The following RAMP1 variants were observed in gnomAD, a reference collection of about 807,000 sequenced individuals.
RAMP1 encodes receptor activity modifying protein 1.
A neutral mutation model predicts 8.2 loss-of-function variants in RAMP1; 7 were observed. The observed-to-expected ratio is 0.85, with a 90% CI of 0.49 to 1.60. RAMP1 has a LOEUF of 1.60. Among genes scored for constraint, RAMP1 ranks in the 40% most tolerant of loss-of-function variants. RAMP1 has a pLI of 0.00. For synonymous variants in RAMP1, 92 were observed against 84.7 expected, an observed-to-expected ratio of 1.09 and a Z score of -0.47; for missense variants, 192 against 202.4, an observed-to-expected ratio of 0.95 and a Z score of 0.31.
chr2:237,866,607 G>A (rs2062189523), intron 1 of RAMP1, among the ~76,000 whole-genome samples: 2 of 152,140 alleles, frequency 1.3e-5, no homozygotes, highest in African/African-American at 4.8e-5. Flanking sequence ...AGAAATTCGA[G>A]TGTAGCTCTT....
chr2:237,891,585 G>A (rs1242665217), intron 2 of RAMP1, among the ~76,000 whole-genome samples: 3 of 152,098 alleles, frequency 2.0e-5, no homozygotes, highest in Admixed American at 6.5e-5. Flanking sequence ...GCCGTAGGGA[G>A]GAAATGTAGC....
chr2:237,860,688 T>C (rs951322781), intron 1 of RAMP1, among the ~76,000 whole-genome samples: 6 of 152,162 alleles, frequency 3.9e-5, no homozygotes, highest in African/African-American at 1.4e-4. Flanking sequence ...CTGGTATGTG[T>C]GGCCTTTCCC....
At chr2:237,886,366 G>A (rs553992722) in intron 2 of RAMP1, among the ~76,000 whole-genome samples, 1 of 152,202 alleles carries the variant, frequency 6.6e-6, no homozygotes, top group African/African-American at 2.4e-5. Flanking sequence ...CAGGTCAGGG[G>A]TTGCCTCACT....
rs71402734 is a variant in RAMP1, at chr2:237,906,717, CTTTTTTTTTTTT to C, written c.192-4798_192-4787del. ...TCTCAAAAGGTTCTTATATCAACCTCTTTTTTTTTTTTTTTTTTTTTTTTAAAGACAGTCTTG... is the reference window on the plus strand; with the variant it reads ...TCTCAAAAGGTTCTTATATCAACCTCTTTTTTTTTTTTAAAGACAGTCTTG... On this transcript the variant is annotated intron_variant, in intron 2 of 2. Coordinates refer to ENST00000254661, the MANE Select transcript of RAMP1 (RefSeq NM_005855.4). 1.6e-3 allele frequency among the ~76,000 whole-genome samples: 141 copies of C among 86,236 alleles called. 1 individual carries two copies. Among genetic ancestry groups the C allele is most frequent in the African/African-American group, 6.0e-3 (130 of 21,538 alleles). The allele number at this position is 86,236 out of a possible 152,430, so 56.6% of individuals were successfully genotyped here. A position where few individuals can be genotyped will look rare whatever the true frequency, so the allele number is the denominator to read the frequency against.
Position 237,878,214 on chromosome 2 carries a change from G to A in RAMP1, c.191+852G>A, listed in dbSNP as rs1250306342. On this transcript the variant is annotated intron_variant, in intron 2 of 2. Coordinates refer to ENST00000254661, the MANE Select transcript of RAMP1 (RefSeq NM_005855.4). This position sits in a 1 kb window ranked among gnomAD's most constrained non-coding sequence, Gnocchi z 5.7. Reference sequence around the variant, plus strand: ...TCTGTGGGTTCACAGCGCAGCGCAAGTCCTGGTGCCCCACCGATGACAAGC... The same window carrying A: ...TCTGTGGGTTCACAGCGCAGCGCAAATCCTGGTGCCCCACCGATGACAAGC... 4.1e-6 allele frequency: 4 copies of A among 974,408 alleles called. No homozygotes were observed. Among genetic ancestry groups the A allele is most frequent in the African/African-American group, 1.8e-5 (1 of 57,006 alleles). 60.4% of individuals were successfully genotyped at this position (974,408 alleles called of 1,614,324 possible).
chr2:237,892,198 ATTGT>A (rs2062493627), intron 2 of RAMP1, among the ~76,000 whole-genome samples: 1 of 151,310 alleles, frequency 6.6e-6, no homozygotes, highest in Non-Finnish European at 1.5e-5. Context: ...TTTTGTCTTA[ATTGT>A]TTATCTTTCC....
chr2:237,877,221 C>T lies in RAMP1; in HGVS notation c.53-3C>T. ...CATCTCTTCATGGCCGTGTCTATTT[C>T]AGCCCATCACCTCTTCATGACCACT... On this transcript the variant is annotated splice_region_variant and splice_polypyrimidine_tract_variant and intron_variant, in intron 1 of 2. Coordinates refer to ENST00000254661, the MANE Select transcript of RAMP1 (RefSeq NM_005855.4). This position sits in a 1 kb window ranked among gnomAD's most constrained non-coding sequence, Gnocchi z 4.4. The T allele has an allele frequency of 6.2e-7, 1 of 1,613,852 alleles. No homozygotes were observed. The highest frequency in any genetic ancestry group is 1.7e-4 in the Middle Eastern group (1 of 6,060).
chr2:237,898,872 G>T (rs116882061), intron 2 of RAMP1, among the ~76,000 whole-genome samples: 1 of 152,348 alleles, frequency 6.6e-6, no homozygotes, highest in East Asian at 1.9e-4. Flanking sequence ...GGCGCAGTAA[G>T]TGGCCAGCCC....
chr2:237,910,596 CACAGTCACACAGTCACACACAGAATA>C (rs1251769585), intron 2 of RAMP1, among the ~76,000 whole-genome samples: 1 of 147,664 alleles, frequency 6.8e-6, no homozygotes, highest in African/African-American at 2.6e-5. Context: ...CACAGAATAA[CACAGTCACACAGTCACACACAGAATA>C]ACAGTCACAC....
intron 1 of RAMP1, among the ~76,000 whole-genome samples, chr2:237,861,781 G>T (rs959620758): frequency 6.6e-6 from 1 of 151,750 alleles, no homozygotes; most frequent in African/African-American, 2.4e-5. Context: ...AACTCAGAAG[G>T]CAGAGGTTGC....
In RAMP1 at chr2:237,912,029, A is replaced by G. The variant is rs560679536; in HGVS notation, c.*246A>G. ...ACGTGACCTTGACTTACCTCTGGAA[A>G]GGGTCCCAGCCTAGACTGCTTACCC... On this transcript the variant is annotated 3_prime_UTR_variant, in exon 3 of 3. Coordinates refer to ENST00000254661, the MANE Select transcript of RAMP1 (RefSeq NM_005855.4). The G allele has an allele frequency of 3.6e-5, 22 of 608,712 alleles. No homozygotes were observed. The highest frequency in any genetic ancestry group is 6.4e-5 in the South Asian group (3 of 46,862). The allele number at this position is 608,712 out of a possible 1,614,324, so 37.7% of individuals were successfully genotyped here.
In RAMP1 at chr2:237,865,957, C is replaced by T. The variant is rs1046643269; in HGVS notation, c.52+6230C>T. Among the ~76,000 whole-genome samples, 17 of 152,200 alleles carry T rather than the reference C, an allele frequency of 1.1e-4. No homozygotes were observed. The highest frequency in any genetic ancestry group is 4.4e-5 in the Non-Finnish European group (3 of 68,026). ...CAGAGAGCATGCCTGTGTAGGTTTC[C>T]TCCAGTGCCTTATGGTTCTAAACAC... On this transcript the variant is annotated intron_variant, in intron 1 of 2. Coordinates refer to ENST00000254661, the MANE Select transcript of RAMP1 (RefSeq NM_005855.4). This position sits in a 1 kb window ranked among gnomAD's most constrained non-coding sequence, Gnocchi z 4.2.
intron 1 of RAMP1, among the ~76,000 whole-genome samples, chr2:237,861,832 T>C (rs2062135287): frequency 6.8e-6 from 1 of 146,730 alleles, no homozygotes; most frequent in African/African-American, 2.6e-5. Context: ...GCCTGGGTGA[T>C]AAGAGTGAAA....
intron 2 of RAMP1, among the ~76,000 whole-genome samples, chr2:237,892,146 A>T (rs377098602): frequency 4.7e-4 from 72 of 152,278 alleles, no homozygotes; most frequent in African/African-American, 1.7e-3. Flanking sequence ...CTTTTAACAC[A>T]GGAAATTAAG....
At chr2:237,890,050 C>T (rs536590889) in intron 2 of RAMP1, among the ~76,000 whole-genome samples, 37 of 152,356 alleles carry the variant, frequency 2.4e-4, no homozygotes, top group African/African-American at 8.7e-4. Flanking sequence ...TGAGCCTCTG[C>T]GGCCTCCCCA....
intron 1 of RAMP1, among the ~76,000 whole-genome samples, chr2:237,873,334 G>A (rs895242946): frequency 6.6e-6 from 1 of 152,194 alleles, no homozygotes; most frequent in Non-Finnish European, 1.5e-5. Flanking sequence ...CTGAGTTTGA[G>A]ACCCATTAGC....
chr2:237,885,215 G>T (rs1275508413), intron 2 of RAMP1, among the ~76,000 whole-genome samples: 1 of 151,940 alleles, frequency 6.6e-6, no homozygotes, highest in Admixed American at 6.5e-5. Context: ...TGAGAGGGAG[G>T]CTTCTTCTGA....
At chr2:237,893,969 TC>T (rs371299035) in intron 2 of RAMP1, among the ~76,000 whole-genome samples, 5,991 of 119,420 alleles carry the variant, frequency 0.05, 234 homozygotes, top group African/African-American at 0.13. Flanking sequence ...AAAAATACTT[TC>T]TTTTTTTTTT....
chr2:237,887,413 A>G (rs1198723249), intron 2 of RAMP1, among the ~76,000 whole-genome samples: 1 of 152,184 alleles, frequency 6.6e-6, no homozygotes, highest in Non-Finnish European at 1.5e-5. Context: ...GCGGGACCTA[A>G]GCACAGGGTG....
Sources: gnomAD v4.1 joint callset for allele counts (sites outside exome capture counted in the v4.1 genomes callset) on GRCh38, gnomAD v4.1.1 for gene constraint, Gnocchi (gnomAD v3.1) non-coding constraint, MANE v1.5 for transcripts, NCBI Gene and HGNC (gene_info 2026-07-23, HGNC 2026-07-21) for gene names.